Variants in NTN1 observed in about 807,000 individuals in gnomAD.
The protein encoded by NTN1 is netrin-1.
A neutral mutation model predicts 54.2 loss-of-function variants in NTN1; 11 were observed. The observed-to-expected ratio is 0.20, with a 90% CI of 0.13 to 0.34. NTN1 has a LOEUF of 0.34. NTN1 is among the 10% of genes least tolerant of loss of function. The pLI, the probability that NTN1 is intolerant of heterozygous loss-of-function variation, is 1.00. For synonymous variants in NTN1, 371 were observed against 382.0 expected (o/e 0.97, Z 0.33); for missense variants, 740 against 893.1 (o/e 0.83, Z 2.18).
chr17:9,150,857 C>A (rs1307533989), intron 2 of NTN1, among the ~76,000 whole-genome samples: 2 of 152,162 alleles, frequency 1.3e-5, no homozygotes, highest in Non-Finnish European at 2.9e-5. Flanking sequence ...CCCCGCTGTC[C>A]ACTGGGGAGG....
Position 9,239,550 on chromosome 17 carries a change from G to C in NTN1, c.1487-90G>C. 7.6e-7 allele frequency: 1 copy of C among 1,309,428 alleles called. No homozygotes were observed. The highest frequency in any genetic ancestry group is 1.1e-6 in the Non-Finnish European group (1 of 935,380). The allele number at this position is 1,309,428 out of a possible 1,614,324, so 81.1% of individuals were successfully genotyped here. A position where few individuals can be genotyped will look rare whatever the true frequency, so the allele number is the denominator to read the frequency against. The stretch of plus-strand genomic sequence containing the variant: ...CTCTGTGCAGTCACTTCCTGGGGCT[G>C]GGTCTCCTTTCCCTTCTCCCCAGGC... On this transcript the variant is annotated intron_variant, in intron 6 of 6. Coordinates refer to ENST00000173229, the MANE Select transcript of NTN1 (RefSeq NM_004822.3). This position sits in a 1 kb window ranked among gnomAD's most constrained non-coding sequence, Gnocchi z 5.2.
rs112851749 is a variant in NTN1, at chr17:9,083,883, GGAGAGACA to G, written c.1018+60495_1018+60502del. On this transcript the variant is annotated intron_variant, in intron 2 of 6. Coordinates refer to ENST00000173229, the MANE Select transcript of NTN1 (RefSeq NM_004822.3). ...CAGAGATGAGTCTTCGCTTCCTTGGGGAGAGACAGATATGCTTAGAATATTGCATTTGC... is the reference window on the plus strand; with the variant it reads ...CAGAGATGAGTCTTCGCTTCCTTGGGGATATGCTTAGAATATTGCATTTGC... 5.1e-3 allele frequency among the ~76,000 whole-genome samples: 776 copies of G among 152,238 alleles called. 7 individuals carry two copies. The highest frequency in any genetic ancestry group is 0.017 in the African/African-American group (721 of 41,524).
intron 2 of NTN1, among the ~76,000 whole-genome samples, chr17:9,146,082 G>A (rs2092312498): frequency 6.6e-6 from 1 of 152,144 alleles, no homozygotes; most frequent in African/African-American, 2.4e-5. Context: ...CCCCTGCGAG[G>A]CCCTTGTGCC....
intron 2 of NTN1, among the ~76,000 whole-genome samples, chr17:9,137,801 A>T (rs1222692216): frequency 6.6e-6 from 1 of 152,130 alleles, no homozygotes; most frequent in Non-Finnish European, 1.5e-5. Context: ...CTCAAAAAAA[A>T]AAAAATAAAA....
chr17:9,017,985 T>C (rs1369108675), upstream of NTN1, among the ~76,000 whole-genome samples: 1 of 152,178 alleles, frequency 6.6e-6, no homozygotes, highest in Non-Finnish European at 1.5e-5. Flanking sequence ...GATAGAGGAC[T>C]GGTTTCAAGA....
chr17:9,137,822 G>C (rs542597922), intron 2 of NTN1, among the ~76,000 whole-genome samples: 2 of 152,156 alleles, frequency 1.3e-5, no homozygotes, highest in East Asian at 3.9e-4. Flanking sequence ...CTGTTGACGG[G>C]CATCTTGGGT....
chr17:9,209,762 C>T (rs1298750860), intron 5 of NTN1, among the ~76,000 whole-genome samples: 1 of 152,206 alleles, frequency 6.6e-6, no homozygotes, highest in Non-Finnish European at 1.5e-5. Context: ...AACTCACACC[C>T]ATGCTTCCTC....
At chr17:9,137,668 C>A (rs1339610738) in intron 2 of NTN1, among the ~76,000 whole-genome samples, 1 of 152,096 alleles carries the variant, frequency 6.6e-6, no homozygotes, top group Admixed American at 6.6e-5. Flanking sequence ...ATGGCAGGCA[C>A]CTGTAATCCC....
At chr17:9,018,929 T>A (rs1210947069), upstream of NTN1, among the ~76,000 whole-genome samples, 1 of 152,240 alleles carries the variant, frequency 6.6e-6, no homozygotes, top group Non-Finnish European at 1.5e-5. Context: ...GTTCCCTTTC[T>A]GGGCCACGCC....
chr17:9,128,146 A>G (rs894644403), intron 2 of NTN1, among the ~76,000 whole-genome samples: 5 of 149,520 alleles, frequency 3.3e-5, no homozygotes, highest in Non-Finnish European at 7.4e-5. Flanking sequence ...AAATAAATAA[A>G]TAATAATAAT....
chr17:9,199,160 G>A (rs1904714912), intron 5 of NTN1, among the ~76,000 whole-genome samples: 1 of 152,138 alleles, frequency 6.6e-6, no homozygotes, highest in Non-Finnish European at 1.5e-5. Context: ...TTGTTTGTTT[G>A]AGACAGTGTT....
chr17:9,060,087 G>A (rs760765664), intron 2 of NTN1, among the ~76,000 whole-genome samples: 19 of 152,060 alleles, frequency 1.2e-4, no homozygotes, highest in Non-Finnish European at 2.1e-4. Flanking sequence ...AATGATAAGC[G>A]TACAGTTGGC....
intron 2 of NTN1, among the ~76,000 whole-genome samples, chr17:9,102,771 C>T (rs1465921151): frequency 1.3e-5 from 2 of 152,202 alleles, no homozygotes; most frequent in East Asian, 3.8e-4. Context: ...ATATGTCATA[C>T]AGTGGAATGC....
At chr17:9,188,126 A>G (rs1195873278) in intron 5 of NTN1, among the ~76,000 whole-genome samples, 1 of 152,128 alleles carries the variant, frequency 6.6e-6, no homozygotes, top group Non-Finnish European at 1.5e-5. Context: ...ATTGAATTGT[A>G]CACTTAAAAA....
intron 4 of NTN1, among the ~76,000 whole-genome samples, chr17:9,181,446 C>CTA (rs2092418809): frequency 6.6e-6 from 1 of 152,210 alleles, no homozygotes; most frequent in African/African-American, 2.4e-5. Flanking sequence ...TAGACTGGAC[C>CTA]ATTCAGATGT....
chr17:9,179,493 G>A (rs547250268), intron 3 of NTN1, among the ~76,000 whole-genome samples: 3 of 152,348 alleles, frequency 2.0e-5, no homozygotes, highest in East Asian at 1.9e-4. Flanking sequence ...TGAGGGCTAC[G>A]GGCTCTGCCT....
intron 2 of NTN1, among the ~76,000 whole-genome samples, chr17:9,072,024 A>C (rs2092033505): frequency 6.6e-6 from 1 of 152,190 alleles, no homozygotes; most frequent in Non-Finnish European, 1.5e-5. Context: ...ATCTGAGCAC[A>C]CACGCAGCCC....
intron 2 of NTN1, among the ~76,000 whole-genome samples, chr17:9,105,652 C>T (rs74692953): frequency 0.018 from 2,539 of 139,072 alleles, 70 homozygotes; most frequent in African/African-American, 0.061. Flanking sequence ...TGTTCTGTCT[C>T]TCTCTCTTTC....
intron 2 of NTN1, among the ~76,000 whole-genome samples, chr17:9,042,517 G>A (rs1386460548): frequency 6.7e-6 from 1 of 148,566 alleles, no homozygotes; most frequent in Non-Finnish European, 1.5e-5. Context: ...AGGCTGGCGC[G>A]GTGGCTCACG....
Sources: allele counts gnomAD v4.1 joint callset (sites outside exome capture counted in the v4.1 genomes callset), GRCh38; gene constraint gnomAD v4.1.1; non-coding constraint Gnocchi (gnomAD v3.1); transcripts MANE v1.5; gene names NCBI Gene and HGNC (gene_info 2026-07-23, HGNC 2026-07-21).